Variants in CNBD1 observed in about 807,000 individuals in gnomAD.
CNBD1 encodes the protein cyclic nucleotide-binding domain-containing protein 1.
A neutral mutation model predicts 54.4 loss-of-function variants in CNBD1; 71 were observed. That is an observed-to-expected ratio of 1.30 (90% CI 1.08 to 1.59). The LOEUF (loss-of-function observed/expected upper bound fraction) is 1.59. Ranked by LOEUF, CNBD1 falls within the 40% of genes most tolerant of loss-of-function variation. CNBD1 has a pLI of 0.00. For missense variants in CNBD1, 659 were observed against 518.0 expected (o/e 1.27, Z -2.64); for synonymous variants, 182 against 170.7 (o/e 1.07, Z -0.51).
intron 8 of CNBD1, among the ~76,000 whole-genome samples, chr8:87,324,394 G>C (rs549498809): frequency 2.4e-5 from 3 of 127,384 alleles, no homozygotes; most frequent in South Asian, 4.6e-4. Context: ...GTTCCTCCTT[G>C]TACCTCTGAT....
chr8:86,958,002 T>G (rs1807824548), intron 4 of CNBD1, among the ~76,000 whole-genome samples: 1 of 152,230 alleles, frequency 6.6e-6, no homozygotes, highest in Admixed American at 6.5e-5. Flanking sequence ...CTGCTTTAAA[T>G]GTGTCCTAGA....
intron 8 of CNBD1, among the ~76,000 whole-genome samples, chr8:87,316,906 A>G (rs1012798261): frequency 4.0e-5 from 6 of 151,738 alleles, no homozygotes; most frequent in African/African-American, 1.4e-4. Flanking sequence ...TCATTATATA[A>G]TGGAATGCAT....
At chr8:87,130,645 G>C (rs564933826) in intron 4 of CNBD1, among the ~76,000 whole-genome samples, 232 of 151,992 alleles carry the variant, frequency 1.5e-3, no homozygotes, top group African/African-American at 5.3e-3. Flanking sequence ...GGGTATGGTG[G>C]TAGGCACCTG....
rs1358916817 is a variant in CNBD1, at chr8:87,377,888, T to A, written c.1304-4732T>A. On this transcript the variant is annotated intron_variant, in intron 10 of 10. Transcript: ENST00000518476. ...TATCTCACTGTGGTTTCGATTTGCA[T>A]TTCTCTGATGGCCAGTGATGATGAG... is the stretch of plus-strand genomic sequence containing the variant. 5.2e-3 allele frequency among the ~76,000 whole-genome samples: 772 copies of A among 149,642 alleles called. 2 individuals carry two copies. The highest frequency in any genetic ancestry group is 0.017 in the African/African-American group (678 of 39,276).
chr8:87,313,615 G>A (rs1203199978), intron 8 of CNBD1, among the ~76,000 whole-genome samples: 1 of 151,776 alleles, frequency 6.6e-6, no homozygotes, highest in African/African-American at 2.4e-5. Flanking sequence ...CATAACAAGG[G>A]AAGTCTTTGA....
chr8:87,342,474 A>G (rs1356110355), intron 8 of CNBD1, among the ~76,000 whole-genome samples: 2 of 152,204 alleles, frequency 1.3e-5, no homozygotes, highest in African/African-American at 2.4e-5. Flanking sequence ...AAATGTAATT[A>G]TGTTATCTAA....
At chr8:86,967,245 G>T (rs1211358704) in intron 4 of CNBD1, among the ~76,000 whole-genome samples, 7 of 152,166 alleles carry the variant, frequency 4.6e-5, no homozygotes, top group Non-Finnish European at 1.0e-4. Flanking sequence ...TGCCTAGGAG[G>T]GTGGCTGAAG....
At chr8:87,299,705 G>A (rs116690762) in intron 8 of CNBD1, among the ~76,000 whole-genome samples, 1 of 152,148 alleles carries the variant, frequency 6.6e-6, no homozygotes, top group Non-Finnish European at 1.5e-5. Flanking sequence ...TATGAAAATT[G>A]TCCCAGATCA....
chr8:86,875,367 A>G (rs192474038), intron 1 of CNBD1, among the ~76,000 whole-genome samples: 1 of 151,824 alleles, frequency 6.6e-6, no homozygotes, highest in Admixed American at 6.6e-5. Context: ...CTTTCACCCT[A>G]CCTACTCCTG....
intron 3 of CNBD1, among the ~76,000 whole-genome samples, chr8:86,931,191 T>G (rs991116413): frequency 6.6e-6 from 1 of 152,132 alleles, no homozygotes; most frequent in African/African-American, 2.4e-5. Flanking sequence ...CAGATGGTAA[T>G]GGACCTTGAG....
At chr8:86,897,289 T>G (rs1361582924) in intron 2 of CNBD1, among the ~76,000 whole-genome samples, 1 of 152,152 alleles carries the variant, frequency 6.6e-6, no homozygotes, top group Non-Finnish European at 1.5e-5. Context: ...ACCTCAATAT[T>G]TGAAACATAT....
At chr8:87,380,375 G>C (rs79155289) in intron 10 of CNBD1, among the ~76,000 whole-genome samples, 1 of 151,734 alleles carries the variant, frequency 6.6e-6, no homozygotes, top group Non-Finnish European at 1.5e-5. Context: ...CTATTACTCT[G>C]TATGATTGTC....
chr8:87,003,256 A>C (rs1809030136), intron 4 of CNBD1, among the ~76,000 whole-genome samples: 1 of 152,224 alleles, frequency 6.6e-6, no homozygotes, highest in Non-Finnish European at 1.5e-5. Context: ...GTATTTTAAA[A>C]TATTTGTCTC....
chr8:87,420,024 A>C (rs1383037528), intron 2 of CNBD1, among the ~76,000 whole-genome samples: 2 of 150,920 alleles, frequency 1.3e-5, no homozygotes, highest in Non-Finnish European at 3.0e-5. Flanking sequence ...TATAGAAAGC[A>C]CTATACATAA....
intron 2 of CNBD1, among the ~76,000 whole-genome samples, chr8:86,894,307 C>A (rs1396416430): frequency 6.6e-6 from 1 of 150,584 alleles, no homozygotes; most frequent in South Asian, 2.1e-4. Context: ...ATGATCCACC[C>A]GCCTCGGCCT....
At chr8:87,210,835 T>C (rs1270028106) in intron 5 of CNBD1, among the ~76,000 whole-genome samples, 3 of 152,080 alleles carry the variant, frequency 2.0e-5, no homozygotes, top group Non-Finnish European at 2.9e-5. Flanking sequence ...AAGGGAAATG[T>C]GGGATTGAAG....
intron 8 of CNBD1, among the ~76,000 whole-genome samples, 167 bp from the exon 9 acceptor site, chr8:87,351,518 G>T (rs557246565): frequency 6.6e-6 from 1 of 152,092 alleles, no homozygotes; most frequent in Non-Finnish European, 1.5e-5. Context: ...AATACTGGGC[G>T]TAATCTTTTA....
chr8:87,221,265 G>A (rs1814331800), intron 5 of CNBD1, among the ~76,000 whole-genome samples: 1 of 151,910 alleles, frequency 6.6e-6, no homozygotes, highest in African/African-American at 2.4e-5. Context: ...TTGTGTAATT[G>A]GTTATTTAAA....
chr8:87,068,502 A>G (rs533888534), intron 4 of CNBD1, among the ~76,000 whole-genome samples: 2 of 152,086 alleles, frequency 1.3e-5, no homozygotes, highest in Admixed American at 6.6e-5. Context: ...CAGTATGTCA[A>G]TGTTTCTCAG....
Sources: allele counts gnomAD v4.1 joint callset (sites outside exome capture counted in the v4.1 genomes callset), GRCh38; gene constraint gnomAD v4.1.1; transcripts MANE v1.5; gene names NCBI Gene and HGNC (gene_info 2026-07-23, HGNC 2026-07-21).